Variants in BBX observed in about 807,000 individuals in gnomAD.
BBX encodes BBX high mobility group box domain containing, also known as HMG box transcription factor BBX.
BBX carries 30 observed loss-of-function variants against 100.2 expected under a neutral mutation model. That is an observed-to-expected ratio of 0.30 (90% CI 0.22 to 0.41). BBX has a LOEUF of 0.41. BBX is among the 10% of genes least tolerant of loss of function. The probability of loss-of-function intolerance (pLI) is 1.00; values close to 1 mark genes in which losing one functional copy is unlikely to be tolerated. For synonymous variants in BBX, 376 were observed against 388.1 expected (o/e 0.97, Z 0.37); for missense variants, 1,023 against 1,129.8 (o/e 0.91, Z 1.35).
intron 3 of BBX, among the ~76,000 whole-genome samples, chr3:107,689,149 T>A (rs551903926): frequency 5.9e-5 from 9 of 152,354 alleles, no homozygotes; most frequent in Non-Finnish European, 1.2e-4. Flanking sequence ...CGTATAGTAG[T>A]ACATATTTTA....
At chr3:107,557,729 A>C (rs566351165) in intron 2 of BBX, among the ~76,000 whole-genome samples, 2 of 152,324 alleles carry the variant, frequency 1.3e-5, no homozygotes, top group South Asian at 4.1e-4. Context: ...GTAGATATTA[A>C]AGCTCTATTT....
intron 3 of BBX, among the ~76,000 whole-genome samples, chr3:107,708,170 T>G (rs2061494015): frequency 6.6e-6 from 1 of 152,196 alleles, no homozygotes; most frequent in South Asian, 2.1e-4. Context: ...AATTGTTAAA[T>G]GGACTATCAA....
chr3:107,739,248 A>G (rs906151913), intron 7 of BBX, among the ~76,000 whole-genome samples: 1 of 152,228 alleles, frequency 6.6e-6, no homozygotes, highest in African/African-American at 2.4e-5. Flanking sequence ...TGACTATTCC[A>G]GAATACTTTA....
At chr3:107,688,122 T>C (rs946975492) in intron 3 of BBX, among the ~76,000 whole-genome samples, 1 of 152,242 alleles carries the variant, frequency 6.6e-6, no homozygotes, top group Non-Finnish European at 1.5e-5. Context: ...TCCCAGATTA[T>C]CTTTGACCAT....
chr3:107,602,774 G>A (rs1036219108), intron 2 of BBX, among the ~76,000 whole-genome samples: 2 of 152,206 alleles, frequency 1.3e-5, no homozygotes, highest in Non-Finnish European at 2.9e-5. Context: ...TACTTGAACC[G>A]ATGAGGAGGA....
At chr3:107,775,800 A>G (rs2067278061) in intron 12 of BBX, among the ~76,000 whole-genome samples, 1 of 152,124 alleles carries the variant, frequency 6.6e-6, no homozygotes, top group South Asian at 2.1e-4. Context: ...GGTCATCACA[A>G]AGTAGCGAGG....
chr3:107,721,975 A>T (rs1237262788), intron 5 of BBX, among the ~76,000 whole-genome samples: 1 of 151,972 alleles, frequency 6.6e-6, no homozygotes, highest in Non-Finnish European at 1.5e-5. Flanking sequence ...TATCTAAATG[A>T]TTATTATTTT....
intron 2 of BBX, among the ~76,000 whole-genome samples, chr3:107,621,283 T>C (rs1455849077): frequency 1.3e-5 from 2 of 152,208 alleles, no homozygotes; most frequent in African/African-American, 2.4e-5. Flanking sequence ...GTTGCAGATA[T>C]GTGAAGTGAA....
chr3:107,563,321 C>T (rs984802899), intron 2 of BBX, among the ~76,000 whole-genome samples: 1 of 152,206 alleles, frequency 6.6e-6, no homozygotes, highest in African/African-American at 2.4e-5. Flanking sequence ...GTCCATCTCA[C>T]AGAGCCAGAC....
intron 7 of BBX, among the ~76,000 whole-genome samples, chr3:107,739,417 A>G (rs2107576599): frequency 6.6e-6 from 1 of 152,094 alleles, no homozygotes; most frequent in East Asian, 1.9e-4. Flanking sequence ...CTCCCCCTTT[A>G]TGTCACTCTT....
At chr3:107,691,047 C>G (rs995878854) in intron 3 of BBX, among the ~76,000 whole-genome samples, 4 of 151,834 alleles carry the variant, frequency 2.6e-5, no homozygotes, top group African/African-American at 9.7e-5. Context: ...GCTAGGACCA[C>G]CGGTGTGCAC....
intron 3 of BBX, among the ~76,000 whole-genome samples, chr3:107,687,531 T>A (rs1310692141): frequency 6.6e-6 from 1 of 152,076 alleles, no homozygotes; most frequent in African/African-American, 2.4e-5. Flanking sequence ...ATAACAGGCC[T>A]TCATGGTCAT....
chr3:107,735,902 C>T (rs981111625), intron 7 of BBX, among the ~76,000 whole-genome samples: 2 of 151,620 alleles, frequency 1.3e-5, no homozygotes, highest in East Asian at 1.9e-4. Flanking sequence ...CTAAGCCTAG[C>T]GTGGTTCTAT....
rs947930258 is a variant in BBX, at chr3:107,564,065, C to CT, written c.-84+37678dup. Among the ~76,000 whole-genome samples, 1,097 of 147,404 alleles carry CT rather than the reference C, an allele frequency of 7.4e-3. 7 individuals are homozygous for CT. Among genetic ancestry groups the CT allele is most frequent in the African/African-American group, 0.023 (948 of 40,420 alleles). ...CTTTGAAAAACTTAGTATTATCAGACTTTTTTTTTTTCCAGTCTGATTTGC... is the reference window on the plus strand; with the variant it reads ...CTTTGAAAAACTTAGTATTATCAGACTTTTTTTTTTTTCCAGTCTGATTTGC... On this transcript the variant is annotated intron_variant, in intron 2 of 17. Coordinates refer to ENST00000325805, the MANE Select transcript of BBX (RefSeq NM_001142568.3).
At chr3:107,668,291 G>A (rs2058850286) in intron 3 of BBX, among the ~76,000 whole-genome samples, 1 of 152,100 alleles carries the variant, frequency 6.6e-6, no homozygotes, top group East Asian at 1.9e-4. Flanking sequence ...CCTTTTTCCT[G>A]TGCTAGCCAA....
intron 8 of BBX, 135 bp from the exon 9 acceptor site, chr3:107,747,830 C>T (rs2064751510): frequency 7.9e-6 from 5 of 630,758 alleles, no homozygotes; most frequent in Non-Finnish European, 1.4e-5. Flanking sequence ...TTATACTGCT[C>T]TTCTAAAGGG....
intron 13 of BBX, among the ~76,000 whole-genome samples, chr3:107,786,864 T>TA (rs2068483295): frequency 6.6e-6 from 1 of 152,070 alleles, no homozygotes; most frequent in Non-Finnish European, 1.5e-5. Context: ...TCCCACAGAA[T>TA]GGGAGAAAAT....
intron 4 of BBX, among the ~76,000 whole-genome samples, chr3:107,713,580 T>C (rs1362700286): frequency 6.6e-6 from 1 of 152,208 alleles, no homozygotes; most frequent in African/African-American, 2.4e-5. Flanking sequence ...TTTTGATTAA[T>C]AAAATAATTA....
At chr3:107,802,136 A>G (rs2070563164) in intron 17 of BBX, among the ~76,000 whole-genome samples, 1 of 152,216 alleles carries the variant, frequency 6.6e-6, no homozygotes. Flanking sequence ...TTCCTATTCA[A>G]AGTGGATTAC....
Sources: allele counts gnomAD v4.1 joint callset (sites outside exome capture counted in the v4.1 genomes callset), GRCh38; gene constraint gnomAD v4.1.1; transcripts MANE v1.5; gene names NCBI Gene and HGNC (gene_info 2026-07-23, HGNC 2026-07-21).